The following HTR4 variants were observed in gnomAD, a reference collection of about 807,000 sequenced individuals.
The protein encoded by HTR4 is 5-hydroxytryptamine (serotonin) receptor 4, G protein-coupled.
Under a neutral mutation model 36.8 loss-of-function variants are expected in HTR4, and 16 were observed. That is an observed-to-expected ratio of 0.43 (90% CI 0.29 to 0.66). HTR4 has a LOEUF of 0.66. HTR4 is among the 30% of genes least tolerant of loss of function. The pLI is 0.13. For missense variants in HTR4, 438 were observed against 490.9 expected, an observed-to-expected ratio of 0.89 and a Z score of 1.02; for synonymous variants, 189 against 185.1, an observed-to-expected ratio of 1.02 and a Z score of -0.17.
intron 2 of HTR4, among the ~76,000 whole-genome samples, chr5:148,635,620 A>C (rs1345431353): frequency 1.3e-5 from 2 of 152,204 alleles, no homozygotes; most frequent in Non-Finnish European, 2.9e-5. Context: ...TTCCCCCAAA[A>C]GTACATTTTA....
chr5:148,507,995 G>T (rs1757305655), intron 6 of HTR4, among the ~76,000 whole-genome samples: 1 of 152,160 alleles, frequency 6.6e-6, no homozygotes, highest in Non-Finnish European at 1.5e-5. Flanking sequence ...ATCCTTTGGG[G>T]TCTTTCCACC....
chr5:148,594,917 C>G (rs187047183), intron 2 of HTR4, among the ~76,000 whole-genome samples: 1 of 152,102 alleles, frequency 6.6e-6, no homozygotes, highest in Non-Finnish European at 1.5e-5. Context: ...TTTAATGTAA[C>G]AAGTTTTCCC....
chr5:148,533,200 T>C (rs1257436002), intron 4 of HTR4, among the ~76,000 whole-genome samples: 4 of 152,248 alleles, frequency 2.6e-5, no homozygotes, highest in Non-Finnish European at 2.9e-5. Context: ...ATTGGGTATC[T>C]CCCATTCTTC....
chr5:148,492,379 T>G lies in HTR4; in HGVS notation c.1077-9086A>C, dbSNP rs568608859. Among the ~76,000 whole-genome samples the G allele has an allele frequency of 3.0e-4, 46 of 152,344 alleles. 1 individual carries two copies. The highest frequency in any genetic ancestry group is 6.2e-4 in the Non-Finnish European group (42 of 68,036). The stretch of plus-strand genomic sequence containing the variant: ...GTATGATGTACCCAGGAAACAAGTC[T>G]TGTCTCATGTTGCTTAAACAATTGT... On this transcript the variant is annotated intron_variant, in intron 6 of 6. Transcript: ENST00000377888.
At chr5:148,491,518 G>A (rs1272661290) in intron 6 of HTR4, among the ~76,000 whole-genome samples, 1 of 151,996 alleles carries the variant, frequency 6.6e-6, no homozygotes, top group Non-Finnish European at 1.5e-5. Context: ...TGGAAATCTG[G>A]GGCCAGGAAA....
intron 5 of HTR4, among the ~76,000 whole-genome samples, chr5:148,463,665 T>G (rs1055289171): frequency 6.6e-6 from 1 of 152,036 alleles, no homozygotes; most frequent in Non-Finnish European, 1.5e-5. Context: ...TTTATAGATC[T>G]AATGCATTTC....
chr5:148,584,064 A>G (rs1761254903), intron 2 of HTR4, among the ~76,000 whole-genome samples: 1 of 152,164 alleles, frequency 6.6e-6, no homozygotes, highest in Non-Finnish European at 1.5e-5. Flanking sequence ...CCCAACTTTT[A>G]GTGGAGAAAG....
At chr5:148,557,541 A>C (rs1327881602) in intron 2 of HTR4, among the ~76,000 whole-genome samples, 1 of 151,970 alleles carries the variant, frequency 6.6e-6, no homozygotes, top group African/African-American at 2.4e-5. Flanking sequence ...TGGAATTGCC[A>C]GCACTTCTAT....
At chr5:148,492,850 A>G (rs1581375990) in intron 6 of HTR4, among the ~76,000 whole-genome samples, 1 of 152,220 alleles carries the variant, frequency 6.6e-6, no homozygotes, top group South Asian at 2.1e-4. Flanking sequence ...AGATTCCAGC[A>G]CCTGCAGCCA....
At chr5:148,640,422 T>C (rs1372388851) in intron 1 of HTR4, among the ~76,000 whole-genome samples, 1 of 152,188 alleles carries the variant, frequency 6.6e-6, no homozygotes, top group Non-Finnish European at 1.5e-5. Flanking sequence ...AAGCCAGTCC[T>C]AGAATTTTTG....
intron 5 of HTR4, chr5:148,520,874 C>T: frequency 2.2e-6 from 3 of 1,367,382 alleles, no homozygotes; most frequent in Non-Finnish European, 2.9e-6. Flanking sequence ...CACTCTTCTG[C>T]CTCCGGCATT....
At position 148,590,287 on chromosome 5, in the gene HTR4, C is replaced by CTTTTTT. The variant is rs779077579; in HGVS notation, c.27-40031_27-40026dup. Among the ~76,000 whole-genome samples, 94 of 33,342 alleles carry CTTTTTT rather than the reference C, an allele frequency of 2.8e-3. 1 individual carries two copies. Among genetic ancestry groups the CTTTTTT allele is most frequent in the South Asian group, 4.3e-3 (3 of 690 alleles). The allele number at this position is 33,342 out of a possible 152,430, so 21.9% of individuals were successfully genotyped here. ...GTATTATTATTTTCTTTTTTCTTTT[C>CTTTTTT]TTTTTTTTTTTTTTTTTTTTTTTTT... On this transcript the variant is annotated intron_variant, in intron 2 of 6. Transcript: ENST00000377888.
rs368196441 is a variant in HTR4 at position 148,526,521 on chromosome 5, T to C, written c.354-3175A>G. Among the ~76,000 whole-genome samples the C allele has an allele frequency of 5.9e-5, 9 of 152,214 alleles. No individual in the cohort carries two copies. The East Asian group carries it at 1.4e-3, about 23-fold the overall frequency. On this transcript the variant is annotated intron_variant, in intron 4 of 6. Coordinates refer to ENST00000377888, the MANE Select transcript of HTR4 (RefSeq NM_000870.7). The stretch of plus-strand genomic sequence containing the variant: ...AAAGAGCAGATTTCAGAAATTTTGG[T>C]TGGATCTCTAACGTCACAAAAATCC...
chr5:148,583,788 G>C lies in HTR4; in HGVS notation c.27-33526C>G, dbSNP rs1027888968. Among the ~76,000 whole-genome samples the C allele has an allele frequency of 3.9e-5, 6 of 152,088 alleles. No homozygotes were observed. In the East Asian group the frequency reaches 1.2e-3, roughly 29 times the overall value. The stretch of plus-strand genomic sequence containing the variant: ...TGCAAGGCATTTCCGGGGAGCTCCT[G>C]TTCCCTGGGAAGCTGCCTGGTCATT... On this transcript the variant is annotated intron_variant, in intron 2 of 6. Transcript: ENST00000377888.
At position 148,483,310 on chromosome 5, in the gene HTR4, A is replaced by G; in HGVS notation, c.1077-17T>C. ...ACTGCATCCCTAGAGAGAGGAGAAG[A>G]TTACAGAACCTCAGAATTGGAAAGG... is the stretch of plus-strand genomic sequence containing the variant. On this transcript the variant is annotated splice_polypyrimidine_tract_variant and intron_variant, in intron 6 of 6. Transcript: ENST00000377888. The G allele has an allele frequency of 6.2e-7, 1 of 1,604,468 alleles. No individual in the cohort carries two copies. The highest frequency in any genetic ancestry group is 8.5e-7 in the Non-Finnish European group (1 of 1,174,212).
chr5:148,586,368 AT>A (rs1256812581), intron 2 of HTR4, among the ~76,000 whole-genome samples: 3 of 151,966 alleles, frequency 2.0e-5, no homozygotes, highest in African/African-American at 7.3e-5. Flanking sequence ...GCCATTTTGT[AT>A]TTAGCTTTAT....
At chr5:148,583,714 C>G (rs1761240955) in intron 2 of HTR4, among the ~76,000 whole-genome samples, 1 of 151,952 alleles carries the variant, frequency 6.6e-6, no homozygotes, top group African/African-American at 2.4e-5. Context: ...CTACCACACA[C>G]CCACTCCTAA....
At chr5:148,488,332 C>G (rs1355677977) in intron 6 of HTR4, among the ~76,000 whole-genome samples, 1 of 152,184 alleles carries the variant, frequency 6.6e-6, no homozygotes, top group Non-Finnish European at 1.5e-5. Context: ...TGGTCCTGCT[C>G]TGGTTTAACA....
chr5:148,540,400 G>GTATATATATATATA (rs56021250), intron 4 of HTR4, among the ~76,000 whole-genome samples: 1 of 74,324 alleles, frequency 1.3e-5, no homozygotes, highest in Non-Finnish European at 2.4e-5. Context: ...TTATGTGTGT[G>GTATATATATATATA]TATATATATA....
Sources: allele counts gnomAD v4.1 joint callset (sites outside exome capture counted in the v4.1 genomes callset), GRCh38; gene constraint gnomAD v4.1.1; transcripts MANE v1.5; gene names NCBI Gene and HGNC (gene_info 2026-07-23, HGNC 2026-07-21).